The following CFAP92 variants were observed in gnomAD, a reference collection of about 807,000 sequenced individuals.
CFAP92 encodes uncharacterized protein CFAP92.
Under a neutral mutation model 106.3 loss-of-function variants are expected in CFAP92, and 86 were observed. The observed-to-expected ratio is 0.81, with a 90% CI of 0.68 to 0.97. The LOEUF is 0.97. Among genes scored for constraint, CFAP92 ranks in the 50% least tolerant of loss-of-function variants. The pLI, the probability that CFAP92 is intolerant of heterozygous loss-of-function variation, is 0.00. For missense variants in CFAP92, 1,204 were observed against 1,283.8 expected, an observed-to-expected ratio of 0.94 and a Z score of 0.95; for synonymous variants, 477 against 506.4, an observed-to-expected ratio of 0.94 and a Z score of 0.78.
intron 10 of CFAP92, among the ~76,000 whole-genome samples, chr3:128,940,094 T>C (rs947284192): frequency 1.3e-5 from 2 of 152,194 alleles, no homozygotes; most frequent in Non-Finnish European, 2.9e-5. Flanking sequence ...CCTCAGCATG[T>C]TTTCAAGGTT....
chr3:128,974,715 G>A (rs547154611), intron 7 of CFAP92, among the ~76,000 whole-genome samples: 3 of 152,156 alleles, frequency 2.0e-5, no homozygotes, highest in Admixed American at 1.3e-4. Flanking sequence ...CAGCTACTCA[G>A]GAGGCTGAGG....
chr3:128,914,531 C>A (rs959345629), intron 15 of CFAP92: 1 of 152,262 alleles, frequency 6.6e-6, no homozygotes, highest in East Asian at 1.9e-4. Context: ...TAGATAGGCT[C>A]ATGTCTCTTT....
chr3:128,924,793 G>A (rs931557517), intron 12 of CFAP92, among the ~76,000 whole-genome samples: 1 of 152,162 alleles, frequency 6.6e-6, no homozygotes, highest in East Asian at 1.9e-4. Context: ...ATCTCAAGTA[G>A]CAGAACATGT....
intron 12 of CFAP92, among the ~76,000 whole-genome samples, chr3:128,925,144 A>T (rs1937565277): frequency 6.6e-6 from 1 of 152,178 alleles, no homozygotes; most frequent in Admixed American, 6.5e-5. Flanking sequence ...GGCACCAGGG[A>T]CTGGTTTCGT....
Position 129,001,635 on chromosome 3 carries a change from C to G in CFAP92, n.117+939G>C, listed in dbSNP as rs971841621. The G allele has an allele frequency of 1.2e-5, 16 of 1,364,172 alleles. No individual in the cohort carries two copies. In the African/African-American group the frequency reaches 2.3e-4, roughly 20 times the overall value. The allele number at this position is 1,364,172 out of a possible 1,614,324, so 84.5% of individuals were successfully genotyped here. ...CGAGGCGCGCGGCGCAGCGATGGAGCCGGTCAGCACGGGCGCGGAGGCCGG... is the reference window on the plus strand; with the variant it reads ...CGAGGCGCGCGGCGCAGCGATGGAGGCGGTCAGCACGGGCGCGGAGGCCGG... On this transcript the variant is annotated intron_variant and non_coding_transcript_variant, in intron 1 of 4. Coordinates refer to the CFAP92 transcript ENST00000510149.
chr3:128,966,456 TGCATACCTCCCACCAGG>T (rs749185666), intron 8 of CFAP92: 3 of 152,212 alleles, frequency 2.0e-5, no homozygotes, highest in Non-Finnish European at 4.4e-5. Flanking sequence ...AATACAAGCG[TGCATACCTCCCACCAGG>T]GTGGTTTTGC....
At chr3:129,004,407 C>T (rs1001871428), upstream of CFAP92, among the ~76,000 whole-genome samples, 1 of 135,148 alleles carries the variant, frequency 7.4e-6, no homozygotes, top group Non-Finnish European at 1.6e-5. Flanking sequence ...ACCCATCCAT[C>T]CACTCACCCA....
chr3:128,971,282 G>A lies in CFAP92; in HGVS notation c.1168+5C>T. On this transcript the variant is annotated splice_donor_5th_base_variant and intron_variant, in intron 8 of 15. Coordinates refer to ENST00000645291, the MANE Select transcript of CFAP92 (RefSeq NM_001394090.1). The stretch of plus-strand genomic sequence containing the variant: ...GCTGCTGGGAACAGGGCAAGCAGTG[G>A]GTACCGGCAAGGAGCGGCATGACGG... 2 of 1,613,734 alleles carry A rather than the reference G, an allele frequency of 1.2e-6. No individual in the cohort carries two copies. The highest frequency in any genetic ancestry group is 1.7e-6 in the Non-Finnish European group (2 of 1,179,826).
intron 4 of CFAP92, among the ~76,000 whole-genome samples, chr3:128,979,728 A>G (rs1943393907): frequency 6.6e-6 from 1 of 151,278 alleles, no homozygotes; most frequent in South Asian, 2.1e-4. Flanking sequence ...GTTCTCACTC[A>G]TAGGTGGGAA....
the CFAP92 span, among the ~76,000 whole-genome samples, chr3:129,020,811 C>T: frequency 0.011 from 1,636 of 152,268 alleles, 18 homozygotes; most frequent in Non-Finnish European, 0.018. Context: ...AGGTTACAGG[C>T]TGGCTGGGCA....
intron 2 of CFAP92, chr3:128,991,732 G>A (rs758083381): frequency 2.6e-4 from 264 of 1,013,208 alleles, no homozygotes; most frequent in Non-Finnish European, 3.1e-4. Flanking sequence ...GCTCCACACC[G>A]CCTCGTGTTG....
chr3:128,935,322 G>A lies in CFAP92; in HGVS notation c.2259-3C>T. 6.7e-7 allele frequency: 1 copy of A among 1,493,612 alleles called. No homozygotes were observed. Among genetic ancestry groups the A allele is most frequent in the Non-Finnish European group, 8.9e-7 (1 of 1,119,218 alleles). 92.5% of individuals were successfully genotyped at this position (1,493,612 alleles called of 1,614,324 possible). ...TCCTGTGTTCTGACCTGGGAATCCT[G>A]CAAGAGACAGAAGGCCAAGAGCTAA... On this transcript the variant is annotated splice_region_variant and splice_polypyrimidine_tract_variant and intron_variant, in intron 10 of 15. Coordinates refer to ENST00000645291, the MANE Select transcript of CFAP92 (RefSeq NM_001394090.1).
At chr3:129,003,309 A>G, upstream of CFAP92, 1 of 984,540 alleles carries the variant, frequency 1.0e-6, no homozygotes, top group Non-Finnish European at 1.2e-6. Flanking sequence ...AGCACCTACT[A>G]TGTGCCAGGT....
chr3:128,953,279 G>T (rs1940989238), intron 9 of CFAP92, among the ~76,000 whole-genome samples: 1 of 151,804 alleles, frequency 6.6e-6, no homozygotes. Flanking sequence ...ACTTTGGGAG[G>T]CTGAGGTGGG....
At chr3:128,914,759 GC>G (rs1183354911) in intron 15 of CFAP92, 1 of 198,856 alleles carries the variant, frequency 5.0e-6, no homozygotes, top group Non-Finnish European at 1.0e-5. Context: ...CAGAGCCTCT[GC>G]CCCCAGCTCT....
At chr3:128,946,045 C>T in intron 9 of CFAP92, 70 bp from the exon 10 acceptor site, 1 of 1,179,104 alleles carries the variant, frequency 8.5e-7, no homozygotes, top group Non-Finnish European at 1.1e-6. Context: ...GCATGAGGAG[C>T]TCAAATCCCA....
chr3:128,922,317 T>C (rs1417155509), intron 12 of CFAP92, among the ~76,000 whole-genome samples: 1 of 151,360 alleles, frequency 6.6e-6, no homozygotes, highest in Non-Finnish European at 1.5e-5. Flanking sequence ...CACTCCAGCC[T>C]GGGCAATAGA....
At chr3:128,956,203 A>AAAT (rs1941383671) in intron 9 of CFAP92, among the ~76,000 whole-genome samples, 2 of 104,392 alleles carry the variant, frequency 1.9e-5, no homozygotes, top group African/African-American at 5.5e-5. Flanking sequence ...AAATAAAAAA[A>AAAT]AAATAAAAAA....
intron 9 of CFAP92, among the ~76,000 whole-genome samples, chr3:128,960,890 C>T (rs999639644): frequency 1.1e-4 from 16 of 152,266 alleles, no homozygotes; most frequent in East Asian, 3.9e-4. Context: ...TCACCCTTAG[C>T]GGCAAGTCCC....
Sources: gnomAD v4.1 joint callset for allele counts (sites outside exome capture counted in the v4.1 genomes callset) on GRCh38, gnomAD v4.1.1 for gene constraint, MANE v1.5 for transcripts, NCBI Gene and HGNC (gene_info 2026-07-23, HGNC 2026-07-21) for gene names.